Variants in ANKDD1B observed in about 807,000 individuals in gnomAD.
ANKDD1B encodes ankyrin repeat and death domain-containing protein 1B.
In ANKDD1B, 57 loss-of-function variants were observed where a neutral mutation model predicts 59.7. The ratio of observed to expected loss-of-function variants is 0.95; its 90% confidence interval spans 0.77 to 1.19. ANKDD1B has a LOEUF of 1.19. Ranked by LOEUF, ANKDD1B falls within the 50% of genes most tolerant of loss-of-function variation. ANKDD1B has a pLI of 0.00. For synonymous variants in ANKDD1B, 216 were observed against 239.5 expected (o/e 0.90, Z 0.91); for missense variants, 602 against 641.9 (o/e 0.94, Z 0.67).
intron 5 of ANKDD1B, among the ~76,000 whole-genome samples, chr5:75,633,236 C>T (rs1447995702): frequency 6.6e-6 from 1 of 152,136 alleles, no homozygotes; most frequent in African/African-American, 2.4e-5. Flanking sequence ...AATCACTAAA[C>T]CCTTTGAAGG....
At chr5:75,625,996 A>G (rs888244672) in intron 5 of ANKDD1B, 41 bp downstream of exon 5, 9 of 1,378,440 alleles carry the variant, frequency 6.5e-6, no homozygotes, top group African/African-American at 5.7e-5. Flanking sequence ...ATACACCCCT[A>G]TCAAATTTCA....
chr5:75,614,932 A>G (rs1404206031), intron 1 of ANKDD1B, among the ~76,000 whole-genome samples: 2 of 152,208 alleles, frequency 1.3e-5, no homozygotes, highest in African/African-American at 4.8e-5. Context: ...GAGGGAGGTA[A>G]GTGTTTGCAT....
intron 7 of ANKDD1B, among the ~76,000 whole-genome samples, chr5:75,649,356 G>A (rs1275330351): frequency 5.5e-5 from 8 of 144,362 alleles, no homozygotes; most frequent in African/African-American, 2.3e-4. Flanking sequence ...CCTACAAATT[G>A]TTTATAAATA....
chr5:75,666,646 AT>A lies in ANKDD1B; in HGVS notation c.1192-145del, dbSNP rs374666519. 69 of 431,732 alleles carry A rather than the reference AT, an allele frequency of 1.6e-4. No individual in the cohort carries two copies. The African/African-American group carries it at 4.5e-3, about 28-fold the overall frequency. The allele number at this position is 431,732 out of a possible 1,614,324, so 26.7% of individuals were successfully genotyped here. A position where few individuals can be genotyped will look rare whatever the true frequency, so the allele number is the denominator to read the frequency against. On this transcript the variant is annotated intron_variant, in intron 11 of 13. Transcript: ENST00000601380. ...ATTTTGGATGGCAAAAAAAAAAAAT[AT>A]ATATATGATCCAGTGACAGGAGGCA... is the stretch of plus-strand genomic sequence containing the variant.
chr5:75,626,392 T>C (rs547620536), intron 5 of ANKDD1B, among the ~76,000 whole-genome samples: 2 of 152,350 alleles, frequency 1.3e-5, no homozygotes, highest in Non-Finnish European at 2.9e-5. Flanking sequence ...TAAGGAGATA[T>C]ATAACAATAC....
At chr5:75,665,361 C>T (rs1250004961) in intron 11 of ANKDD1B, among the ~76,000 whole-genome samples, 2 of 152,232 alleles carry the variant, frequency 1.3e-5, no homozygotes, top group Non-Finnish European at 2.9e-5. Flanking sequence ...AAGATAGATG[C>T]AGAAGCATTT....
At chr5:75,615,686 G>GTGTT (rs1193645345) in intron 1 of ANKDD1B, among the ~76,000 whole-genome samples, 2 of 151,814 alleles carry the variant, frequency 1.3e-5, no homozygotes, top group Non-Finnish European at 2.9e-5. Flanking sequence ...GTGTGTGTGT[G>GTGTT]TGTGTGTGTG....
chr5:75,616,839 A>T lies in ANKDD1B; in HGVS notation c.229A>T (p.Lys77Ter). The change falls in exon 2 of 14, where the codon AAA becomes TAA. Residue 77 changes from lysine (K) to a stop codon, truncating the protein, a stop_gained. Coordinates refer to ENST00000601380, the MANE Select transcript of ANKDD1B (RefSeq NM_001276713.2). LOFTEE classifies it high-confidence loss of function. ...PNERSFQNAA[K>*]SNNLDLMEKL... ...TGAGAGAAGCTTTCAGAATGCTGCT[A>T]AAAGCAATAATTTGGATCTTATGGA... 6.5e-7 allele frequency: 1 copy of T among 1,531,126 alleles called. No homozygotes were observed. The allele number at this position is 1,531,126 out of a possible 1,614,324, so 94.8% of individuals were successfully genotyped here.
chr5:75,611,509 C>G lies in ANKDD1B; in HGVS notation c.-126C>G. 1 of 704,476 alleles carries G rather than the reference C, an allele frequency of 1.4e-6. No homozygotes were observed. The highest frequency in any genetic ancestry group is 2.0e-6 in the Non-Finnish European group (1 of 507,292). 43.6% of individuals were successfully genotyped at this position (704,476 alleles called of 1,614,324 possible). The stretch of plus-strand genomic sequence containing the variant: ...GACTCGATCCTGCGCTCCGGCCGGG[C>G]TGACCTGCCTGCGTCCAGCCCCCGC... On this transcript the variant is annotated 5_prime_UTR_variant, in exon 1 of 14. Coordinates refer to ENST00000601380, the MANE Select transcript of ANKDD1B (RefSeq NM_001276713.2).
chr5:75,617,455 A>G (rs1773743187), intron 2 of ANKDD1B, among the ~76,000 whole-genome samples: 1 of 152,130 alleles, frequency 6.6e-6, no homozygotes, highest in African/African-American at 2.4e-5. Context: ...GCCGGGTTTT[A>G]GCGGAGGGAA....
chr5:75,612,706 A>G lies in ANKDD1B; in HGVS notation c.193+879A>G, dbSNP rs373840549. ...AGGGGTGATAGACAATAAAATAAGT[A>G]CGCAAATAAATGAATAAGATAATTT... On this transcript the variant is annotated intron_variant, in intron 1 of 13. Coordinates refer to ENST00000601380, the MANE Select transcript of ANKDD1B (RefSeq NM_001276713.2). Among the ~76,000 whole-genome samples the G allele has an allele frequency of 7.2e-5, 11 of 152,262 alleles. No homozygotes were observed. The East Asian group carries it at 2.1e-3, about 29-fold the overall frequency.
intron 5 of ANKDD1B, among the ~76,000 whole-genome samples, chr5:75,634,493 G>C (rs940096995): frequency 6.6e-6 from 1 of 152,234 alleles, no homozygotes; most frequent in Non-Finnish European, 1.5e-5. Flanking sequence ...GGAAGGCTTA[G>C]TATAATGTGC....
intron 7 of ANKDD1B, among the ~76,000 whole-genome samples, chr5:75,641,655 C>T (rs186188625): frequency 6.6e-5 from 10 of 152,270 alleles, no homozygotes; most frequent in Non-Finnish European, 1.0e-4. Flanking sequence ...TATATCCACA[C>T]AATATATAAA....
At chr5:75,624,506 G>A (rs1773936549) in intron 3 of ANKDD1B, among the ~76,000 whole-genome samples, 1 of 152,142 alleles carries the variant, frequency 6.6e-6, no homozygotes, top group Non-Finnish European at 1.5e-5. Context: ...ATCCCTACAG[G>A]TCACTAAGTC....
intron 5 of ANKDD1B, among the ~76,000 whole-genome samples, chr5:75,626,182 TTC>T (rs1393494277): frequency 6.6e-6 from 1 of 152,160 alleles, no homozygotes; most frequent in Admixed American, 6.5e-5. Flanking sequence ...AGCAGCCAGA[TTC>T]CTTCTTCCCA....
chr5:75,659,222 C>A, intron 9 of ANKDD1B, 61 bp from the exon 10 acceptor site: 1 of 1,213,788 alleles, frequency 8.2e-7, no homozygotes, highest in Non-Finnish European at 1.2e-6. Context: ...AATAGGATGG[C>A]TATACTTTCC....
chr5:75,637,120 C>T lies in ANKDD1B; in HGVS notation c.798+1238C>T, dbSNP rs182297074. Reference sequence around the variant, plus strand: ...ATTAGCCGGGTGTACTGACGGGTGCCTGTGATCCCTGCTACTCGGGAGGCT... The same window carrying T: ...ATTAGCCGGGTGTACTGACGGGTGCTTGTGATCCCTGCTACTCGGGAGGCT... On this transcript the variant is annotated intron_variant, in intron 7 of 13. Transcript: ENST00000601380. Among the ~76,000 whole-genome samples, 7 of 151,554 alleles carry T rather than the reference C, an allele frequency of 4.6e-5. No individual in the cohort carries two copies. In the East Asian group the frequency reaches 1.4e-3, roughly 29 times the overall value.
At chr5:75,629,015 C>T (rs1223274518) in intron 5 of ANKDD1B, among the ~76,000 whole-genome samples, 1 of 152,074 alleles carries the variant, frequency 6.6e-6, no homozygotes, top group Non-Finnish European at 1.5e-5. Context: ...TTGGTTTCAG[C>T]TACGAATATG....
At chr5:75,666,632 C>CAAA (rs78464950) in intron 11 of ANKDD1B, among the ~76,000 whole-genome samples, 160 bp from the exon 12 acceptor site, 1 of 56,568 alleles carries the variant, frequency 1.8e-5, no homozygotes. Context: ...TTTTGGATGG[C>CAAA]AAAAAAAAAA....
Sources: allele counts gnomAD v4.1 joint callset (sites outside exome capture counted in the v4.1 genomes callset), GRCh38; gene constraint gnomAD v4.1.1; transcripts MANE v1.5; gene names NCBI Gene and HGNC (gene_info 2026-07-23, HGNC 2026-07-21).